CLSTN1: variants seen among roughly 807,000 people sequenced by gnomAD.
CLSTN1 encodes calsyntenin-1.
In CLSTN1, 28 loss-of-function variants were observed where a neutral mutation model predicts 108.3. The observed-to-expected ratio is 0.26, with a 90% CI of 0.19 to 0.35. The LOEUF (loss-of-function observed/expected upper bound fraction) is 0.35, where lower values mean the gene tolerates loss of function less well. Among genes scored for constraint, CLSTN1 ranks in the 10% least tolerant of loss-of-function variants. The probability of loss-of-function intolerance (pLI) is 1.00; values close to 1 mark genes in which losing one functional copy is unlikely to be tolerated. For synonymous variants in CLSTN1, 524 were observed against 534.9 expected (o/e 0.98, Z 0.28); for missense variants, 1,157 against 1,302.6 (o/e 0.89, Z 1.72).
chr1:9,752,755 G>T (rs996921047), intron 4 of CLSTN1, among the ~76,000 whole-genome samples: 2 of 152,098 alleles, frequency 1.3e-5, no homozygotes, highest in Non-Finnish European at 2.9e-5. Flanking sequence ...CCAGCTGCTT[G>T]GGAGGCTGAG....
At chr1:9,731,505 AC>A in intron 17 of CLSTN1, 115 bp from the exon 18 acceptor site, 1 of 1,172,980 alleles carries the variant, frequency 8.5e-7, no homozygotes, top group Non-Finnish European at 1.2e-6. Flanking sequence ...CTTCAGCTGA[AC>A]CCACAGGCCA....
In CLSTN1 at chr1:9,765,464, T is replaced by C. The variant is rs531508695; in HGVS notation, c.214+7808A>G. On this transcript the variant is annotated intron_variant, in intron 2 of 18. Coordinates refer to ENST00000377298, the MANE Select transcript of CLSTN1 (RefSeq NM_001009566.3). ...TTTAGGAGGCTGAGGCAGGGGGATC[T>C]TGAGGTCAAGAGTTTGAGACCAGCC... 1.7e-4 allele frequency among the ~76,000 whole-genome samples: 26 copies of C among 151,606 alleles called. No individual in the cohort carries two copies. In the South Asian group the frequency reaches 5.4e-3, roughly 32 times the overall value.
intron 1 of CLSTN1, among the ~76,000 whole-genome samples, chr1:9,811,926 A>AGGAGACTGAGACCATCCT (rs1199475267): frequency 4.6e-5 from 7 of 152,074 alleles, no homozygotes; most frequent in African/African-American, 1.7e-4. Flanking sequence ...TCATGAGGTC[A>AGGAGACTGAGACCATCCT]GGAGACTGAG....
intron 1 of CLSTN1, among the ~76,000 whole-genome samples, chr1:9,799,437 C>G (rs1056290309): frequency 3.3e-5 from 5 of 151,614 alleles, no homozygotes; most frequent in Non-Finnish European, 5.9e-5. Flanking sequence ...GTCAGGAGAT[C>G]GAGACCATCC....
intron 2 of CLSTN1, among the ~76,000 whole-genome samples, chr1:9,764,637 TAAAAAAAAAAAAAAAA>T (rs70998307): frequency 1.2e-5 from 1 of 82,332 alleles, no homozygotes; most frequent in Non-Finnish European, 2.3e-5. Flanking sequence ...GCTCCATCTT[TAAAAAAAAAAAAAAAA>T]AAAAAAAAAA....
intron 2 of CLSTN1, among the ~76,000 whole-genome samples, chr1:9,764,346 A>C (rs1652222715): frequency 6.6e-6 from 1 of 152,020 alleles, no homozygotes; most frequent in Non-Finnish European, 1.5e-5. Context: ...CAATGGGATC[A>C]AGTTTCAGTT....
rs1337547404 is a variant in CLSTN1 at position 9,730,980 on chromosome 1, G to C, written c.2748+226C>G. 3 of 635,162 alleles carry C rather than the reference G, an allele frequency of 4.7e-6. No individual in the cohort carries two copies. Among genetic ancestry groups the C allele is most frequent in the Non-Finnish European group, 8.2e-6 (3 of 366,846 alleles). The allele number at this position is 635,162 out of a possible 1,614,324, so 39.3% of individuals were successfully genotyped here. On this transcript the variant is annotated intron_variant, in intron 18 of 18. Transcript: ENST00000377298. This position sits in a 1 kb window ranked among gnomAD's most constrained non-coding sequence, Gnocchi z 5.6. ...CTCTCTCAGGATTACCATGACCCAA[G>C]AGCGCCAAGCCCTGGCATGGCTCTT...
rs1320970406 is a variant in CLSTN1, at chr1:9,744,461, C to T, written c.1168G>A (p.Val390Met). ...VSPKEPFTIS[V>M]WMRHGPFGRK... ...CCGAATGGCCCATGTCTCATCCACA[C>T]CGAGATGGTGAACGGCTCTTTGGGG... Residue 390 changes from valine to methionine, a missense_variant, in exon 8 of 19, where the codon GTG (valine) becomes ATG (methionine). Coordinates refer to ENST00000377298, the MANE Select transcript of CLSTN1 (RefSeq NM_001009566.3). 6.2e-7 allele frequency: 1 copy of T among 1,611,140 alleles called. No homozygotes were observed. Among genetic ancestry groups the T allele is most frequent in the Admixed American group, 1.7e-5 (1 of 60,018 alleles).
intron 1 of CLSTN1, among the ~76,000 whole-genome samples, chr1:9,792,381 G>C (rs537509160): frequency 1.5e-4 from 23 of 151,574 alleles, no homozygotes; most frequent in African/African-American, 5.1e-4. Flanking sequence ...CTCCAGCAGA[G>C]AGCCTCATGT....
chr1:9,793,861 G>T (rs1446783818), intron 1 of CLSTN1, among the ~76,000 whole-genome samples: 1 of 151,510 alleles, frequency 6.6e-6, no homozygotes, highest in Non-Finnish European at 1.5e-5. Context: ...AATATCTTCA[G>T]TGGTACCCAC....
chr1:9,749,980 C>G, intron 5 of CLSTN1, 67 bp from the exon 6 acceptor site: 1 of 1,380,768 alleles, frequency 7.2e-7, no homozygotes, highest in East Asian at 2.3e-5. Flanking sequence ...TTGTCCTAGG[C>G]GGAAAGACAA....
At chr1:9,735,836 G>A (rs1295378621) in intron 12 of CLSTN1, 49 bp downstream of exon 12, 72 of 1,605,726 alleles carry the variant, frequency 4.5e-5, no homozygotes, top group Non-Finnish European at 5.7e-5. Flanking sequence ...CTCCGGGGCT[G>A]TAGTCTAAGG....
chr1:9,768,265 T>C (rs56109009), intron 2 of CLSTN1, among the ~76,000 whole-genome samples: 32,639 of 128,730 alleles, frequency 0.25, 6,514 homozygotes, highest in African/African-American at 0.56. Context: ...ACCATAGGGA[T>C]GGGGTTCTAT....
chr1:9,815,034 G>C lies in CLSTN1; in HGVS notation c.91+8609C>G, dbSNP rs571050490. ...TATTGACTCTGCATGTGTCTGGGTGGCTGTCCCCCAAACACTGCATGTGTA... is the reference window on the plus strand; with the variant it reads ...TATTGACTCTGCATGTGTCTGGGTGCCTGTCCCCCAAACACTGCATGTGTA... On this transcript the variant is annotated intron_variant, in intron 1 of 18. Coordinates refer to ENST00000377298, the MANE Select transcript of CLSTN1 (RefSeq NM_001009566.3). 2.3e-3 allele frequency among the ~76,000 whole-genome samples: 347 copies of C among 152,306 alleles called. 5 individuals carry two copies. The highest frequency in any genetic ancestry group is 4.4e-4 in the Non-Finnish European group (30 of 68,026).
chr1:9,774,784 GA>G (rs1394945418), intron 1 of CLSTN1, among the ~76,000 whole-genome samples: 1 of 152,056 alleles, frequency 6.6e-6, no homozygotes, highest in East Asian at 1.9e-4. Context: ...AGTGAAGGAA[GA>G]AAGAATGGCT....
At chr1:9,753,162 A>C (rs1472718503) in intron 4 of CLSTN1, among the ~76,000 whole-genome samples, 1 of 152,194 alleles carries the variant, frequency 6.6e-6, no homozygotes, top group East Asian at 1.9e-4. Flanking sequence ...GATTCTCATA[A>C]GGAGCGCACA....
Position 9,734,237 on chromosome 1 carries a change from A to G in CLSTN1, c.2111-95T>C, listed in dbSNP as rs947660306. The stretch of plus-strand genomic sequence containing the variant: ...TGCCCTGCCGGCTCACCCCAAACCT[A>G]CATGGCTCTCGTAAGGACCAACGAC... On this transcript the variant is annotated intron_variant, in intron 14 of 18. Transcript: ENST00000377298. This position sits in a 1 kb window ranked among gnomAD's most constrained non-coding sequence, Gnocchi z 4.8. 6 of 1,281,284 alleles carry G rather than the reference A, an allele frequency of 4.7e-6. No individual in the cohort carries two copies. In the African/African-American group the frequency reaches 8.8e-5, roughly 19 times the overall value. The allele number at this position is 1,281,284 out of a possible 1,614,324, so 79.4% of individuals were successfully genotyped here.
intron 1 of CLSTN1, among the ~76,000 whole-genome samples, chr1:9,817,698 C>CAA (rs1655027536): frequency 6.6e-6 from 1 of 152,028 alleles, no homozygotes. Context: ...GAATCTCTGC[C>CAA]AAGAATCTTT....
intron 4 of CLSTN1, among the ~76,000 whole-genome samples, chr1:9,753,924 C>T (rs1283213064): frequency 6.6e-6 from 1 of 151,988 alleles, no homozygotes; most frequent in East Asian, 1.9e-4. Flanking sequence ...GCAATCCTCC[C>T]GCCTTAGCCT....
Sources: gnomAD v4.1 joint callset for allele counts (sites outside exome capture counted in the v4.1 genomes callset) on GRCh38, gnomAD v4.1.1 for gene constraint, Gnocchi (gnomAD v3.1) non-coding constraint, MANE v1.5 for transcripts, NCBI Gene and HGNC (gene_info 2026-07-23, HGNC 2026-07-21) for gene names.